The following PDE10A variants were observed in gnomAD, a reference collection of about 807,000 sequenced individuals.
PDE10A encodes the protein cAMP and cAMP-inhibited cGMP 3',5'-cyclic phosphodiesterase 10A.
Under a neutral mutation model 97.7 loss-of-function variants are expected in PDE10A, and 39 were observed. The observed-to-expected ratio is 0.40, with a 90% CI of 0.31 to 0.52. PDE10A has a LOEUF of 0.52. Ranked by LOEUF, PDE10A falls within the 20% of genes least tolerant of loss-of-function variation. The pLI is 0.56. For missense variants in PDE10A, 731 were observed against 1,047.8 expected (o/e 0.70, Z 4.17); for synonymous variants, 371 against 376.8 (o/e 0.98, Z 0.18).
chr6:165,928,080 T>A (rs904737302), intron 1 of PDE10A, among the ~76,000 whole-genome samples: 15 of 151,074 alleles, frequency 9.9e-5, no homozygotes, highest in Admixed American at 9.2e-4. Context: ...ATATTTAATA[T>A]TTATATGTAA....
chr6:165,785,860 G>C (rs1778478030), intron 1 of PDE10A, among the ~76,000 whole-genome samples: 1 of 152,156 alleles, frequency 6.6e-6, no homozygotes, highest in Non-Finnish European at 1.5e-5. Flanking sequence ...ATTTCAACAA[G>C]GTGATTCCAA....
At chr6:165,638,268 T>C (rs992332091) in intron 1 of PDE10A, among the ~76,000 whole-genome samples, 9 of 152,202 alleles carry the variant, frequency 5.9e-5, no homozygotes, top group African/African-American at 1.4e-4. Context: ...CCTTCCTTTT[T>C]ATTTTCACTT....
chr6:165,531,463 A>G (rs1782773267), intron 2 of PDE10A, among the ~76,000 whole-genome samples: 1 of 152,160 alleles, frequency 6.6e-6, no homozygotes, highest in Admixed American at 6.6e-5. Context: ...ATAATTTATT[A>G]TTGAGGGGAA....
chr6:165,414,803 G>A (rs1788188735), intron 12 of PDE10A, among the ~76,000 whole-genome samples: 1 of 152,218 alleles, frequency 6.6e-6, no homozygotes, highest in African/African-American at 2.4e-5. Context: ...AACAATGTAT[G>A]AGGGTACTCG....
chr6:165,889,885 C>T (rs1781731267), intron 1 of PDE10A, among the ~76,000 whole-genome samples: 1 of 112,388 alleles, frequency 8.9e-6, no homozygotes. Context: ...TCCTCCCTCA[C>T]TCACTCCTCC....
intron 1 of PDE10A, among the ~76,000 whole-genome samples, chr6:165,610,542 A>T (rs985670525): frequency 1.3e-5 from 2 of 151,860 alleles, no homozygotes; most frequent in Non-Finnish European, 2.9e-5. Flanking sequence ...AAAAAAAAAA[A>T]AAAAAAAGAA....
chr6:165,761,322 A>T (rs1258482445), intron 1 of PDE10A, among the ~76,000 whole-genome samples: 1 of 152,250 alleles, frequency 6.6e-6, no homozygotes, highest in Non-Finnish European at 1.5e-5. Context: ...TTAAAATGCT[A>T]AAGAAATTCA....
In PDE10A at chr6:165,819,591, G is replaced by C. The variant is rs1473452627; in HGVS notation, c.-615+167938C>G. On this transcript the variant is annotated intron_variant, in intron 1 of 19. Coordinates refer to the PDE10A transcript ENST00000366882. This position sits in a 1 kb window ranked among gnomAD's most constrained non-coding sequence, Gnocchi z 4.2. ...CATCCACTGCCGCGACCCCCACCCC[G>C]AGTTGCCGGACACAGTCAGGCAGAG... 3.3e-5 allele frequency among the ~76,000 whole-genome samples: 5 copies of C among 152,102 alleles called. 1 individual carries two copies. The highest frequency in any genetic ancestry group is 6.5e-5 in the Admixed American group (1 of 15,272).
chr6:165,338,906 G>A (rs184801731), intron 20 of PDE10A, among the ~76,000 whole-genome samples: 2 of 152,158 alleles, frequency 1.3e-5, no homozygotes, highest in Admixed American at 6.5e-5. Context: ...AGTCCCTCCA[G>A]TCCACAAGGC....
intron 1 of PDE10A, among the ~76,000 whole-genome samples, chr6:165,906,947 G>A (rs575983548): frequency 2.0e-4 from 31 of 152,338 alleles, no homozygotes; most frequent in African/African-American, 7.5e-4. Context: ...GTTGCAGAAG[G>A]AAGGAATGCA....
intron 1 of PDE10A, among the ~76,000 whole-genome samples, chr6:165,825,244 C>T (rs1464640375): frequency 6.6e-6 from 1 of 152,012 alleles, no homozygotes; most frequent in Non-Finnish European, 1.5e-5. Context: ...AGGGCTCTGC[C>T]TTGCTCAAAT....
At chr6:165,906,920 A>G (rs979673187) in intron 1 of PDE10A, among the ~76,000 whole-genome samples, 85 of 152,184 alleles carry the variant, frequency 5.6e-4, no homozygotes, top group African/African-American at 2.0e-3. Context: ...AATATCCAAG[A>G]CGGCCTTCGC....
chr6:165,834,362 G>C (rs974340810), intron 1 of PDE10A, among the ~76,000 whole-genome samples: 2 of 152,228 alleles, frequency 1.3e-5, no homozygotes, highest in African/African-American at 4.8e-5. Context: ...CCTGAAGCAA[G>C]CACAGAGGAG....
In PDE10A at chr6:165,683,709, G is replaced by T. The variant is rs565654989; in HGVS notation, c.-614-140141C>A. ...CTCCTGGAGGCCCCTGAGCTGCCAG[G>T]CTGAGCCTCACACAGGAGGGCTGGA... On this transcript the variant is annotated intron_variant, in intron 1 of 19. Coordinates refer to the PDE10A transcript ENST00000366882. Among the ~76,000 whole-genome samples, 4 of 152,328 alleles carry T rather than the reference G, an allele frequency of 2.6e-5. No individual in the cohort carries two copies. In the East Asian group the frequency reaches 7.7e-4, roughly 29 times the overall value.
chr6:165,711,714 C>T lies in PDE10A; in HGVS notation c.-614-168146G>A, dbSNP rs775145209. Among the ~76,000 whole-genome samples, 1 of 152,216 alleles carries T rather than the reference C, an allele frequency of 6.6e-6. No individual in the cohort carries two copies. The highest frequency in any genetic ancestry group is 1.9e-4 in the East Asian group (1 of 5,184). On this transcript the variant is annotated intron_variant, in intron 1 of 19. Transcript: ENST00000366882. This position sits in a 1 kb window ranked among gnomAD's most constrained non-coding sequence, Gnocchi z 4.5. ...TGCTGAGCTACGTTCAGCTCAGGCA[C>T]AAGCCTGTTCAGAACAACCCAGGAA...
chr6:165,553,653 T>G (rs1444783283), intron 1 of PDE10A, among the ~76,000 whole-genome samples: 1 of 152,194 alleles, frequency 6.6e-6, no homozygotes, highest in Non-Finnish European at 1.5e-5. Context: ...GTGCCTTAGC[T>G]GCAGAGAAGA....
At chr6:165,614,807 A>C (rs1319157945) in intron 1 of PDE10A, among the ~76,000 whole-genome samples, 2 of 152,112 alleles carry the variant, frequency 1.3e-5, no homozygotes, top group Non-Finnish European at 2.9e-5. Context: ...CTCCTGATCA[A>C]ATAGAAGTAA....
intron 1 of PDE10A, among the ~76,000 whole-genome samples, chr6:165,623,985 C>T (rs1169859165): frequency 6.6e-6 from 1 of 152,226 alleles, no homozygotes; most frequent in Non-Finnish European, 1.5e-5. Context: ...CAAATCCAAA[C>T]TTGACAATGG....
At chr6:165,652,163 C>T (rs960205024) in intron 1 of PDE10A, among the ~76,000 whole-genome samples, 5 of 152,044 alleles carry the variant, frequency 3.3e-5, no homozygotes, top group Non-Finnish European at 2.9e-5. Flanking sequence ...CCTGGGACAC[C>T]AAGAAAATTT....
Sources: allele counts gnomAD v4.1 joint callset (sites outside exome capture counted in the v4.1 genomes callset), GRCh38; gene constraint gnomAD v4.1.1; non-coding constraint Gnocchi (gnomAD v3.1); transcripts MANE v1.5; gene names NCBI Gene and HGNC (gene_info 2026-07-23, HGNC 2026-07-21).